The following MAGI3 variants were observed in gnomAD, a reference collection of about 807,000 sequenced individuals.
MAGI3 encodes the protein membrane associated guanylate kinase, WW and PDZ domain containing 3, also known as membrane-associated guanylate kinase, WW and PDZ domain-containing protein 3.
In MAGI3, 43 loss-of-function variants were observed where a neutral mutation model predicts 121.8. The observed-to-expected ratio is 0.35, with a 90% CI of 0.28 to 0.46. The LOEUF is 0.46. Among genes scored for constraint, MAGI3 ranks in the 20% least tolerant of loss-of-function variants. The pLI, the probability that MAGI3 is intolerant of heterozygous loss-of-function variation, is 1.00. For synonymous variants in MAGI3, 553 were observed against 639.3 expected (o/e 0.86, Z 2.04); for missense variants, 1,547 against 1,797.3 (o/e 0.86, Z 2.52).
chr1:113,468,629 C>A (rs769733200), intron 1 of MAGI3, among the ~76,000 whole-genome samples: 22 of 151,664 alleles, frequency 1.5e-4, no homozygotes, highest in Non-Finnish European at 2.4e-4. Context: ...TGAGATATGC[C>A]GTAAGTGTAA....
At chr1:113,484,713 C>CTCCCGTCCCTTCCCTTCCCTTCCCT (rs1656287084) in intron 1 of MAGI3, among the ~76,000 whole-genome samples, 1 of 17,694 alleles carries the variant, frequency 5.7e-5, no homozygotes, top group African/African-American at 4.5e-4. Context: ...CTCCCCTCCC[C>CTCCCGTCCCTTCCCTTCCCTTCCCT]TCCCTTCCCT....
chr1:113,682,249 C>T (rs757461132), intron 20 of MAGI3: 30 of 1,612,094 alleles, frequency 1.9e-5, no homozygotes, highest in African/African-American at 4.0e-5. Flanking sequence ...ACGTGAAACC[C>T]GAGCAACATT....
Position 113,683,230 on chromosome 1 carries a change from C to T in MAGI3, c.3662C>T (p.Ser1221Leu), listed in dbSNP as rs770451764. ...AATGGTGTTACACGAAGAGGTAGAT[C>T]GGTTAGTCCCAAAAAGCCAGCCAGT... Reference protein sequence around the residue: ...VENGVTRRGRSVSPKKPASQH... With the variant: ...VENGVTRRGRLVSPKKPASQH... Residue 1221 changes from serine (S) to leucine (L), a missense_variant, in exon 21 of 21, where the codon TCG becomes TTG. Physicochemically the swap from Ser to Leu is moderately radical, Grantham distance 145. Coordinates refer to ENST00000307546, the MANE Select transcript of MAGI3 (RefSeq NM_001142782.2). 22 of 1,613,460 alleles carry T rather than the reference C, an allele frequency of 1.4e-5. No individual in the cohort carries two copies. The highest frequency in any genetic ancestry group is 2.7e-5 in the African/African-American group (2 of 74,866).
intron 6 of MAGI3, among the ~76,000 whole-genome samples, chr1:113,599,661 A>G: frequency 6.6e-6 from 1 of 151,444 alleles, no homozygotes; most frequent in East Asian, 1.9e-4. Context: ...AACTGGTACC[A>G]TTCCTTCTGA....
rs1487510539 is a variant in MAGI3, at chr1:113,683,301, A to C, written c.3733A>C (p.Asn1245His). 1.9e-6 allele frequency: 3 copies of C among 1,612,356 alleles called. No individual in the cohort carries two copies. In the Admixed American group the frequency reaches 5.0e-5, roughly 27 times the overall value. Reference protein sequence around the residue: ...HLDKIPSPLKNNPKRRPRDQS... With the variant: ...HLDKIPSPLKHNPKRRPRDQS... ...GGATAAGATTCCTAGTCCTCTAAAA[A>C]ATAACCCCAAAAGAAGACCCAGAGA... The change falls in exon 21 of 21, where the codon AAT becomes CAT. Residue 1245 changes from asparagine (N) to histidine (H), a missense_variant. Physicochemically the swap from Asn to His is moderately conservative, Grantham distance 68. Transcript: ENST00000307546.
At chr1:113,654,183 C>G (rs549845020) in intron 15 of MAGI3, among the ~76,000 whole-genome samples, 165 bp downstream of exon 15, 2 of 152,064 alleles carry the variant, frequency 1.3e-5, no homozygotes, top group Non-Finnish European at 2.9e-5. Context: ...TAATTTGAAC[C>G]GAACCTTCCA....
chr1:113,449,391 CAG>C (rs529015667), intron 1 of MAGI3, among the ~76,000 whole-genome samples: 1 of 99,526 alleles, frequency 1.0e-5, no homozygotes. Context: ...GTGTGTGTGA[CAG>C]AGAGAGAGGC....
At chr1:113,445,381 C>T (rs1279387675) in intron 1 of MAGI3, among the ~76,000 whole-genome samples, 1 of 152,004 alleles carries the variant, frequency 6.6e-6, no homozygotes, top group East Asian at 1.9e-4. Flanking sequence ...GTGAGAGGAT[C>T]ATTTGAGGCC....
At chr1:113,554,283 ATGTGTG>A (rs539910651) in intron 2 of MAGI3, among the ~76,000 whole-genome samples, 14 of 131,952 alleles carry the variant, frequency 1.1e-4, no homozygotes, top group Admixed American at 3.6e-4. Context: ...AAATATTCAT[ATGTGTG>A]TGTGTGTGTG....
intron 6 of MAGI3, among the ~76,000 whole-genome samples, chr1:113,600,434 A>T (rs1649295534): frequency 6.6e-6 from 1 of 151,128 alleles, no homozygotes; most frequent in Admixed American, 6.6e-5. Context: ...AATAACAGAC[A>T]AACAGAGAGC....
intron 9 of MAGI3, among the ~76,000 whole-genome samples, chr1:113,631,793 T>C (rs982091531): frequency 6.6e-6 from 1 of 152,204 alleles, no homozygotes; most frequent in African/African-American, 2.4e-5. Flanking sequence ...GACATAACAT[T>C]ACCATTTTTA....
intron 1 of MAGI3, among the ~76,000 whole-genome samples, chr1:113,532,368 A>G (rs1658768861): frequency 6.6e-6 from 1 of 151,212 alleles, no homozygotes; most frequent in African/African-American, 2.4e-5. Flanking sequence ...TTATATATAT[A>G]TTATCTTTGT....
intron 1 of MAGI3, among the ~76,000 whole-genome samples, chr1:113,503,595 T>C (rs556188421): frequency 1.3e-5 from 2 of 152,208 alleles, no homozygotes; most frequent in African/African-American, 4.8e-5. Flanking sequence ...AACTGTAAGG[T>C]CAGAATTTGA....
At chr1:113,473,899 C>T (rs753585215) in intron 1 of MAGI3, among the ~76,000 whole-genome samples, 10 of 152,164 alleles carry the variant, frequency 6.6e-5, no homozygotes, top group Non-Finnish European at 1.3e-4. Flanking sequence ...TAAAAGCATT[C>T]GTATTTCTTC....
At chr1:113,419,371 A>G (rs1652618158) in intron 1 of MAGI3, among the ~76,000 whole-genome samples, 2 of 152,188 alleles carry the variant, frequency 1.3e-5, no homozygotes, top group African/African-American at 2.4e-5. Context: ...GGAGGAATAG[A>G]GGAATGAGGC....
rs758973245 is a variant in MAGI3, at chr1:113,642,366, G to T, written c.1816G>T (p.Asp606Tyr). The change falls in exon 10 of 21, where the codon GAT becomes TAT. Residue 606 changes from aspartate (D) to tyrosine (Y), a missense_variant. Physicochemically the swap from Asp to Tyr is radical, Grantham distance 160. Transcript: ENST00000307546. ...TGGACAGAAGGTGAAAATGATACTGGATAGTCAGTGGTGTCAAGGCCTTCA... is the reference window on the plus strand; with the variant it reads ...TGGACAGAAGGTGAAAATGATACTGTATAGTCAGTGGTGTCAAGGCCTTCA... The part of the protein sequence containing the change: ...PTGQKVKMIL[D>Y]SQWCQGLQKG... 1.2e-6 allele frequency: 2 copies of T among 1,613,978 alleles called. No homozygotes were observed. Among genetic ancestry groups the T allele is most frequent in the African/African-American group, 2.7e-5 (2 of 74,882 alleles).
chr1:113,632,783 A>G (rs1651716132), intron 9 of MAGI3, among the ~76,000 whole-genome samples: 1 of 152,222 alleles, frequency 6.6e-6, no homozygotes, highest in African/African-American at 2.4e-5. Context: ...AGGATACTAC[A>G]AGAAAATACA....
chr1:113,538,542 G>C (rs544101105), intron 1 of MAGI3, among the ~76,000 whole-genome samples: 1 of 151,878 alleles, frequency 6.6e-6, no homozygotes, highest in Non-Finnish European at 1.5e-5. Flanking sequence ...AAAATGCTGG[G>C]TTTTTTTTAA....
chr1:113,554,075 TC>T (rs1256118363), intron 2 of MAGI3, among the ~76,000 whole-genome samples: 1 of 152,038 alleles, frequency 6.6e-6, no homozygotes, highest in Non-Finnish European at 1.5e-5. Flanking sequence ...ATTCAGAGTG[TC>T]CAGCATCTAA....
Sources: allele counts gnomAD v4.1 joint callset (sites outside exome capture counted in the v4.1 genomes callset), GRCh38; gene constraint gnomAD v4.1.1; transcripts MANE v1.5; gene names NCBI Gene and HGNC (gene_info 2026-07-23, HGNC 2026-07-21).